The following LAMA3 variants were observed in gnomAD, a reference collection of about 807,000 sequenced individuals.
The protein encoded by LAMA3 is laminin subunit alpha 3.
Under a neutral mutation model 402.0 loss-of-function variants are expected in LAMA3, and 281 were observed. That is an observed-to-expected ratio of 0.70 (90% CI 0.63 to 0.77). The LOEUF (loss-of-function observed/expected upper bound fraction) is 0.77. Ranked by LOEUF, LAMA3 falls within the 30% of genes least tolerant of loss-of-function variation. The probability of loss-of-function intolerance (pLI) is 0.00; values close to 1 mark genes in which losing one functional copy is unlikely to be tolerated. For missense variants in LAMA3, 3,840 were observed against 4,215.5 expected (o/e 0.91, Z 2.47); for synonymous variants, 1,431 against 1,558.4 (o/e 0.92, Z 1.93).
At chr18:23,706,344 G>C (rs2060888597) in intron 1 of LAMA3, among the ~76,000 whole-genome samples, 2 of 152,130 alleles carry the variant, frequency 1.3e-5, no homozygotes, top group Admixed American at 1.3e-4. Flanking sequence ...ATGAGTTTGA[G>C]AGTAGAATGC....
chr18:23,788,568 A>G (rs2062591234), intron 12 of LAMA3, among the ~76,000 whole-genome samples: 1 of 151,958 alleles, frequency 6.6e-6, no homozygotes, highest in African/African-American at 2.4e-5. Context: ...TATCAATAAT[A>G]ACATTAAACA....
intron 27 of LAMA3, among the ~76,000 whole-genome samples, chr18:23,840,287 A>G (rs556627066): frequency 1.8e-4 from 27 of 151,664 alleles, no homozygotes; most frequent in African/African-American, 6.5e-4. Context: ...ATTTTTGTGG[A>G]CTGCTGCTGT....
chr18:23,814,349 GA>G, intron 14 of LAMA3, 53 bp from the exon 15 acceptor site: 1 of 1,337,190 alleles, frequency 7.5e-7, no homozygotes, highest in Non-Finnish European at 1.1e-6. Context: ...GCACAGGTTT[GA>G]AAACATGTCT....
chr18:23,885,365 C>G (rs1040143831), intron 41 of LAMA3, among the ~76,000 whole-genome samples: 93 of 145,048 alleles, frequency 6.4e-4, no homozygotes, highest in African/African-American at 2.2e-3. Context: ...ACACACACCC[C>G]TCTATCCCCA....
chr18:23,703,824 C>T (rs2060835191), intron 1 of LAMA3, among the ~76,000 whole-genome samples: 1 of 152,140 alleles, frequency 6.6e-6, no homozygotes, highest in African/African-American at 2.4e-5. Flanking sequence ...GTGTTCACCA[C>T]TCACCCCAGT....
chr18:23,721,577 C>T (rs567391034), intron 2 of LAMA3, among the ~76,000 whole-genome samples: 1 of 152,318 alleles, frequency 6.6e-6, no homozygotes, highest in East Asian at 1.9e-4. Flanking sequence ...ATCAGGGCTG[C>T]TCCTTTCCAA....
chr18:23,814,449 G>A lies in LAMA3; in HGVS notation c.1835G>A (p.Arg612His), dbSNP rs758196718. The A allele has an allele frequency of 1.4e-5, 22 of 1,613,738 alleles. No individual in the cohort carries two copies. The Admixed American group carries it at 1.8e-4, about 13-fold the overall frequency. Residue 612 changes from arginine to histidine, a missense_variant, in exon 15 of 75, where the codon CGC becomes CAC. Physicochemically the swap from Arg to His is conservative, Grantham distance 29. Transcript: ENST00000313654. The stretch of plus-strand genomic sequence containing the variant: ...CATGTTGAAGGTCCTACTTGTAGCC[G>A]CTGCAAACTGTTATATTGGAATCTG... ...KLHVEGPTCS[R>H]CKLLYWNLDK...
chr18:23,891,014 A>G (rs2080642010), intron 42 of LAMA3, among the ~76,000 whole-genome samples: 1 of 152,232 alleles, frequency 6.6e-6, no homozygotes. Context: ...TTTACAGAAA[A>G]TCAGTGGACA....
At chr18:23,795,958 A>T (rs570513555) in intron 12 of LAMA3, 3 of 315,814 alleles carry the variant, frequency 9.5e-6, no homozygotes, top group South Asian at 5.1e-5. Context: ...GATAGGACTC[A>T]TGTCTTTATA....
rs1341922049 is a variant in LAMA3 at position 23,884,788 on chromosome 18, T to C, written c.5238T>C (p.Cys1746=). 1 of 1,613,870 alleles carries C rather than the reference T, an allele frequency of 6.2e-7. No individual in the cohort carries two copies. Among genetic ancestry groups the C allele is most frequent in the Non-Finnish European group, 8.5e-7 (1 of 1,179,824 alleles). The part of the protein sequence containing the change: ...CPHTNSFATG[C]VVNGGDVRCS... The stretch of plus-strand genomic sequence containing the variant: ...TTCTTTCAAGCTTTGCCACTGGCTG[T>C]GTGGTGAATGGGGGAGACGTGCGGT... Residue 1746 remains cysteine (C), a synonymous_variant, in exon 41 of 75, where the codon TGT becomes TGC. Transcript: ENST00000313654.
At chr18:23,814,577 A>G (rs2063140294) in intron 15 of LAMA3, 75 bp downstream of exon 15, 1 of 913,540 alleles carries the variant, frequency 1.1e-6, no homozygotes, top group African/African-American at 1.7e-5. Context: ...GACTAAATCC[A>G]CAAAAGAGCT....
chr18:23,922,246 G>C (rs957270268), intron 62 of LAMA3, among the ~76,000 whole-genome samples: 1 of 152,224 alleles, frequency 6.6e-6, no homozygotes, highest in Non-Finnish European at 1.5e-5. Context: ...TGTGTGGACA[G>C]AACATATCCT....
intron 69 of LAMA3, among the ~76,000 whole-genome samples, chr18:23,944,586 A>T (rs9952967): frequency 0.16 from 23,819 of 152,116 alleles, 2,898 homozygotes; most frequent in East Asian, 0.6. Context: ...GAGCAGGGAG[A>T]CTATTTTAAA....
intron 70 of LAMA3, among the ~76,000 whole-genome samples, chr18:23,947,859 TG>T (rs943574014): frequency 6.7e-6 from 1 of 150,188 alleles, no homozygotes; most frequent in African/African-American, 2.4e-5. Flanking sequence ...TCGCCCAGGC[TG>T]GAGTGCAGTG....
chr18:23,749,284 T>C, intron 3 of LAMA3, 144 bp from the exon 4 acceptor site: 1 of 602,416 alleles, frequency 1.7e-6, no homozygotes, highest in South Asian at 2.2e-5. Flanking sequence ...AAAACTCCAT[T>C]ATCAGCCTTT....
At chr18:23,777,651 T>A in intron 11 of LAMA3, 32 bp downstream of exon 11, 1 of 1,477,190 alleles carries the variant, frequency 6.8e-7, no homozygotes, top group Non-Finnish European at 9.5e-7. Flanking sequence ...TTAACTCCAG[T>A]GAAAATGTTA....
chr18:23,954,415 A>AAG, intron 74 of LAMA3, 88 bp from the exon 75 acceptor site: 1 of 1,225,854 alleles, frequency 8.2e-7, no homozygotes, highest in Non-Finnish European at 1.2e-6. Flanking sequence ...AAAAAAAAAA[A>AAG]AAAAAAAATA....
chr18:23,815,529 A>T lies in LAMA3; in HGVS notation c.2003A>T (p.Asp668Val). 1 of 1,614,166 alleles carries T rather than the reference A, an allele frequency of 6.2e-7. No homozygotes were observed. Among genetic ancestry groups the T allele is most frequent in the Non-Finnish European group, 8.5e-7 (1 of 1,180,018 alleles). ...VGGDSCDTCE[D>V]GYFALEKSNY... ...GGCGATTCCTGCGACACCTGTGAAGATGGATATTTTGCTTTGGAAAAGAGC... is the reference window on the plus strand; with the variant it reads ...GGCGATTCCTGCGACACCTGTGAAGTTGGATATTTTGCTTTGGAAAAGAGC... The change falls in exon 17 of 75, where the codon GAT becomes GTT. Residue 668 changes from aspartate to valine, a missense_variant. Transcript: ENST00000313654.
chr18:23,930,225 A>G (rs2082122986), intron 64 of LAMA3, among the ~76,000 whole-genome samples: 1 of 152,248 alleles, frequency 6.6e-6, no homozygotes, highest in South Asian at 2.1e-4. Context: ...TTAATGATTG[A>G]CAGGAAGAGT....
Sources: gnomAD v4.1 joint callset for allele counts (sites outside exome capture counted in the v4.1 genomes callset) on GRCh38, gnomAD v4.1.1 for gene constraint, MANE v1.5 for transcripts, NCBI Gene and HGNC (gene_info 2026-07-23, HGNC 2026-07-21) for gene names.